The following NME1 variants were observed in gnomAD, a reference collection of about 807,000 sequenced individuals.
The protein encoded by NME1 is nucleoside diphosphate kinase A.
In NME1, 9 loss-of-function variants were observed where a neutral mutation model predicts 17.2. The observed-to-expected ratio is 0.52, with a 90% CI of 0.32 to 0.92. The LOEUF is 0.92. Ranked by LOEUF, NME1 falls within the 40% of genes least tolerant of loss-of-function variation. The pLI is 0.04. For missense variants in NME1, 169 were observed against 201.7 expected, an observed-to-expected ratio of 0.84 and a Z score of 0.98; for synonymous variants, 72 against 70.8, an observed-to-expected ratio of 1.02 and a Z score of -0.09.
chr17:51,155,640 C>A lies in NME1; in HGVS notation c.-4-11C>A. Reference sequence around the variant, plus strand: ...CACTGCTGTTTCATTCCTCTACCTGCCTATCCCCAGAACCATGGCCAACTG... The same window carrying A: ...CACTGCTGTTTCATTCCTCTACCTGACTATCCCCAGAACCATGGCCAACTG... On this transcript the variant is annotated splice_polypyrimidine_tract_variant and intron_variant, in intron 1 of 4. Transcript: ENST00000393196. 1 of 1,613,508 alleles carries A rather than the reference C, an allele frequency of 6.2e-7. No homozygotes were observed. Among genetic ancestry groups the A allele is most frequent in the South Asian group, 1.1e-5 (1 of 91,068 alleles).
chr17:51,159,173 G>A (rs1225354383), intron 2 of NME1, among the ~76,000 whole-genome samples: 1 of 152,196 alleles, frequency 6.6e-6, no homozygotes. Context: ...ATAGTTGAGG[G>A]CCAGGCATGG....
chr17:51,161,534 G>A (rs1218567175), intron 4 of NME1, 194 bp from the exon 5 acceptor site: 7 of 672,588 alleles, frequency 1.0e-5, no homozygotes, highest in Non-Finnish European at 1.3e-5. Flanking sequence ...TTGCACCAGC[G>A]TGGCCGGGAG....
At chr17:51,155,813 C>T in intron 2 of NME1, 33 bp downstream of exon 2, 1 of 1,611,428 alleles carries the variant, frequency 6.2e-7, no homozygotes, top group Non-Finnish European at 8.5e-7. Context: ...ATTTTGATTC[C>T]TTCATAGTAT....
Position 51,161,762 on chromosome 17 carries a change from G to T in NME1, c.376G>T (p.Ala126Ser), listed in dbSNP as rs1198766670. The T allele has an allele frequency of 2.5e-6, 4 of 1,613,930 alleles. No homozygotes were observed. In the African/African-American group the frequency reaches 5.3e-5, roughly 22 times the overall value. Residue 126 changes from alanine (A) to serine (S), a missense_variant, in exon 5 of 5, where the codon GCA (alanine) becomes TCA (serine). Transcript: ENST00000393196. Reference sequence around the variant, plus strand: ...ACATGGCAGTGATTCTGTGGAGAGTGCAGAGAAGGAGATCGGCTTGTGGTT... The same window carrying T: ...ACATGGCAGTGATTCTGTGGAGAGTTCAGAGAAGGAGATCGGCTTGTGGTT... Reference protein sequence around the residue: ...IIHGSDSVESAEKEIGLWFHP... With the variant: ...IIHGSDSVESSEKEIGLWFHP...
intron 2 of NME1, 136 bp downstream of exon 2, chr17:51,155,916 C>A (rs2049779579): frequency 1.4e-6 from 2 of 1,393,404 alleles, no homozygotes; most frequent in Non-Finnish European, 2.0e-6. Flanking sequence ...GACCTGGAAA[C>A]TCCTCAGTGC....
chr17:51,158,234 C>T (rs570364326), intron 2 of NME1, among the ~76,000 whole-genome samples: 8 of 152,222 alleles, frequency 5.3e-5, no homozygotes, highest in South Asian at 2.1e-4. Context: ...GAGCGGAGAT[C>T]GAGCCACTGC....
chr17:51,159,950 G>T, intron 2 of NME1, 30 bp from the exon 3 acceptor site: 3 of 1,612,274 alleles, frequency 1.9e-6, no homozygotes, highest in Middle Eastern at 1.7e-4. Context: ...TGGTTTGGGG[G>T]TTATTCTCAT....
At chr17:51,154,466 C>T (rs777179728) in intron 1 of NME1, 1 of 1,607,830 alleles carries the variant, frequency 6.2e-7, no homozygotes, top group South Asian at 1.1e-5. Context: ...GCGCAGTCTT[C>T]TGTAAAATGA....
intron 4 of NME1, 32 bp downstream of exon 4, chr17:51,161,304 A>G (rs2144870060): frequency 3.8e-6 from 6 of 1,565,390 alleles, no homozygotes; most frequent in Non-Finnish European, 5.2e-6. Flanking sequence ...CCCTTTTCCA[A>G]AATCTGATTT....
chr17:51,157,520 G>T (rs1393791420), intron 2 of NME1, among the ~76,000 whole-genome samples: 2 of 152,150 alleles, frequency 1.3e-5, no homozygotes, highest in Non-Finnish European at 2.9e-5. Flanking sequence ...TTGCATCGAG[G>T]ATTAAATTTC....
At chr17:51,157,255 G>A (rs1598237151) in intron 2 of NME1, among the ~76,000 whole-genome samples, 2 of 152,254 alleles carry the variant, frequency 1.3e-5, no homozygotes, top group East Asian at 3.9e-4. Context: ...ATGTAAAAGA[G>A]GGTAGACTGA....
Position 51,155,659 on chromosome 17 carries a change from C to A in NME1, c.5C>A (p.Ala2Asp), listed in dbSNP as rs1210130523. 7 of 1,613,892 alleles carry A rather than the reference C, an allele frequency of 4.3e-6. No homozygotes were observed. The South Asian group carries it at 7.7e-5, about 18-fold the overall frequency. ...TACCTGCCTATCCCCAGAACCATGG[C>A]CAACTGTGAGCGTACCTTCATTGCG... is the stretch of plus-strand genomic sequence containing the variant. M[A>D]NCERTFIAIK... The change falls in exon 2 of 5, where the codon GCC (alanine) becomes GAC (aspartate). Residue 2 changes from alanine (A) to aspartate (D), a missense_variant. Transcript: ENST00000393196.
rs778620495 is a variant in NME1, at chr17:51,161,292, C to G, written c.341+20C>G. 2.5e-6 allele frequency: 4 copies of G among 1,580,320 alleles called. No individual in the cohort carries two copies. In the Admixed American group the frequency reaches 7.4e-5, roughly 29 times the overall value. On this transcript the variant is annotated intron_variant, in intron 4 of 4. Transcript: ENST00000393196. The stretch of plus-strand genomic sequence containing the variant: ...TGGCAGGTGAGATTTTGGTATTTTT[C>G]CCCCTTTTCCAAAATCTGATTTAGT...
At chr17:51,161,358 G>C in intron 4 of NME1, 86 bp downstream of exon 4, 1 of 1,207,528 alleles carries the variant, frequency 8.3e-7, no homozygotes, top group Non-Finnish European at 1.2e-6. Flanking sequence ...AGGTAGACAT[G>C]ATACCATATG....
chr17:51,159,791 T>C (rs1481593859), intron 2 of NME1, among the ~76,000 whole-genome samples, 189 bp from the exon 3 acceptor site: 1 of 152,094 alleles, frequency 6.6e-6, no homozygotes, highest in South Asian at 2.1e-4. Context: ...ACAACTGATA[T>C]AAAATTGGAG....
chr17:51,160,033 C>G lies in NME1; in HGVS notation c.180C>G (p.Phe60Leu). The change falls in exon 3 of 5, where the codon TTC (phenylalanine) becomes TTG (leucine). Residue 60 changes from phenylalanine (F) to leucine (L), a missense_variant. Transcript: ENST00000393196. ...ACGTTGACCTGAAGGACCGTCCATT[C>G]TTTGCCGGCCTGGTGAAATACATGC... ...EHYVDLKDRP[F>L]FAGLVKYMHS... The G allele has an allele frequency of 6.2e-7, 1 of 1,614,130 alleles. No homozygotes were observed. The highest frequency in any genetic ancestry group is 1.1e-5 in the South Asian group (1 of 91,074).
intron 1 of NME1, chr17:51,154,331 G>GT: frequency 6.3e-7 from 1 of 1,580,850 alleles, no homozygotes; most frequent in Non-Finnish European, 8.7e-7. Flanking sequence ...CTAAGATGCT[G>GT]TAAGAAGAGG....
At chr17:51,159,387 G>A (rs771214947) in intron 2 of NME1, among the ~76,000 whole-genome samples, 4 of 152,032 alleles carry the variant, frequency 2.6e-5, no homozygotes, top group Non-Finnish European at 4.4e-5. Context: ...GATCACCTGC[G>A]GTCACCTGAG....
chr17:51,154,398 A>T, intron 1 of NME1: 7 of 1,614,116 alleles, frequency 4.3e-6, no homozygotes, highest in Admixed American at 1.7e-5. Flanking sequence ...TACTTTAGGG[A>T]TCGTCTTTCA....
Sources: gnomAD v4.1 joint callset for allele counts (sites outside exome capture counted in the v4.1 genomes callset) on GRCh38, gnomAD v4.1.1 for gene constraint, MANE v1.5 for transcripts, NCBI Gene and HGNC (gene_info 2026-07-23, HGNC 2026-07-21) for gene names.